The following TPP2 variants were observed in gnomAD, a reference collection of about 807,000 sequenced individuals.
TPP2 encodes tripeptidyl peptidase 2, also known as tripeptidyl-peptidase 2.
In TPP2, 34 loss-of-function variants were observed where a neutral mutation model predicts 155.9. The ratio of observed to expected loss-of-function variants is 0.22; its 90% CI spans 0.17 to 0.29. The LOEUF (loss-of-function observed/expected upper bound fraction) is 0.29, where lower values mean the gene tolerates loss of function less well. TPP2 is among the 10% of genes least tolerant of loss of function. TPP2 has a pLI of 1.00. For missense variants in TPP2, 1,028 were observed against 1,522.3 expected, an observed-to-expected ratio of 0.68 and a Z score of 5.40; for synonymous variants, 510 against 529.4, an observed-to-expected ratio of 0.96 and a Z score of 0.50.
chr13:102,647,482 T>G, intron 21 of TPP2, 138 bp downstream of exon 21: 1 of 1,027,638 alleles, frequency 9.7e-7, no homozygotes, highest in South Asian at 1.9e-5. Flanking sequence ...TTTTGCAAAC[T>G]GTGAGAGCCT....
At chr13:102,637,806 C>A (rs1389108214) in intron 14 of TPP2, among the ~76,000 whole-genome samples, 2 of 152,154 alleles carry the variant, frequency 1.3e-5, no homozygotes, top group Non-Finnish European at 2.9e-5. Context: ...CTGCCTTGGC[C>A]TCCCAGGGCT....
chr13:102,654,526 C>A (rs911148053), intron 24 of TPP2, among the ~76,000 whole-genome samples: 3 of 152,056 alleles, frequency 2.0e-5, no homozygotes, highest in African/African-American at 4.8e-5. Flanking sequence ...AAATTCAATT[C>A]TCTTTTCTCT....
At position 102,666,487 on chromosome 13, in the gene TPP2, A is replaced by G. The variant is rs187282345; in HGVS notation, c.3371+1562A>G. ...AACTGTCTTCCACAGATCACCAGTG[A>G]TAACCAGTTGCTAAAAAGAATGGCC... On this transcript the variant is annotated intron_variant, in intron 27 of 29. Transcript: ENST00000376052. Among the ~76,000 whole-genome samples, 256 of 152,328 alleles carry G rather than the reference A, an allele frequency of 1.7e-3. 1 individual carries two copies. The highest frequency in any genetic ancestry group is 5.9e-3 in the African/African-American group (244 of 41,568).
intron 2 of TPP2, chr13:102,607,608 A>T (rs941889678): frequency 4.7e-6 from 2 of 428,818 alleles, no homozygotes; most frequent in Non-Finnish European, 9.4e-6. Context: ...TAATTTTGAG[A>T]TGGAGTCTTA....
intron 25 of TPP2, among the ~76,000 whole-genome samples, chr13:102,660,390 C>T (rs564416271): frequency 6.6e-6 from 1 of 151,802 alleles, no homozygotes; most frequent in South Asian, 2.1e-4. Flanking sequence ...AAGAGAATCC[C>T]ATTTACAGTA....
chr13:102,627,901 A>G lies in TPP2; in HGVS notation c.993A>G (p.Glu331=), dbSNP rs150142673. ...KCDLVNYSYG[E]ATHWPNSGRI... is the part of the protein sequence containing the mutation. Reference sequence around the variant, plus strand: ...ATCTTGTCAACTACAGTTACGGAGAAGCAACTCACTGGCCAAATTCTGGGT... The same window carrying G: ...ATCTTGTCAACTACAGTTACGGAGAGGCAACTCACTGGCCAAATTCTGGGT... Residue 331 remains glutamate (E), a synonymous_variant, in exon 8 of 30, where the codon GAA becomes GAG. Transcript: ENST00000376052. 80 of 1,613,614 alleles carry G rather than the reference A, an allele frequency of 5.0e-5. No individual in the cohort carries two copies. The African/African-American group carries it at 9.9e-4, about 20-fold the overall frequency.
intron 21 of TPP2, among the ~76,000 whole-genome samples, chr13:102,648,141 A>G (rs901388978): frequency 2.0e-5 from 3 of 152,298 alleles, no homozygotes; most frequent in African/African-American, 4.8e-5. Flanking sequence ...TGTTAAGTGG[A>G]TAATAGATTT....
chr13:102,634,573 C>T (rs1397678942), intron 11 of TPP2, among the ~76,000 whole-genome samples: 1 of 152,166 alleles, frequency 6.6e-6, no homozygotes, highest in Non-Finnish European at 1.5e-5. Flanking sequence ...AGCCAGGCTG[C>T]TGTGAAGCTC....
At chr13:102,603,903 A>G (rs944850514) in intron 1 of TPP2, among the ~76,000 whole-genome samples, 10 of 152,056 alleles carry the variant, frequency 6.6e-5, no homozygotes, top group African/African-American at 2.2e-4. Context: ...GAGGCAAGAG[A>G]TGGTGGTGGT....
intron 15 of TPP2, among the ~76,000 whole-genome samples, chr13:102,639,105 C>T (rs190346730): frequency 1.4e-3 from 211 of 152,332 alleles, no homozygotes; most frequent in African/African-American, 4.9e-3. Context: ...CTTCGTGGCA[C>T]ATTTTACGTG....
At chr13:102,669,745 G>A (rs532343891) in intron 27 of TPP2, among the ~76,000 whole-genome samples, 1 of 149,040 alleles carries the variant, frequency 6.7e-6, no homozygotes, top group African/African-American at 2.6e-5. Flanking sequence ...ACATTGATGC[G>A]AATGGGTGGC....
Position 102,618,819 on chromosome 13 carries a change from T to A in TPP2, c.593T>A (p.Leu198Ter). Residue 198 changes from leucine (L) to a stop codon, truncating the protein, a stop_gained, in exon 5 of 30, where the codon TTG (leucine) becomes TAG (stop). Transcript: ENST00000376052. LOFTEE classifies it high-confidence loss of function. Reference protein sequence around the residue: ...YSDPGPVYDCLVWHDGEVWRA... With the variant: ...YSDPGPVYDC Reference sequence around the variant, plus strand: ...GATCCTGGCCCTGTATATGACTGCTTGGTATGGCATGATGGCGAAGTCTGG... The same window carrying A: ...GATCCTGGCCCTGTATATGACTGCTAGGTATGGCATGATGGCGAAGTCTGG... 6.2e-7 allele frequency: 1 copy of A among 1,611,348 alleles called. No individual in the cohort carries two copies. The highest frequency in any genetic ancestry group is 8.5e-7 in the Non-Finnish European group (1 of 1,179,118).
chr13:102,656,995 A>G (rs1380940795), intron 24 of TPP2, 61 bp from the exon 25 acceptor site: 3 of 1,511,902 alleles, frequency 2.0e-6, no homozygotes, highest in African/African-American at 2.8e-5. Flanking sequence ...GCTGTTGAAG[A>G]TGATTTTGAT....
At chr13:102,629,456 G>C in intron 8 of TPP2, 26 bp from the exon 9 acceptor site, 2 of 1,474,028 alleles carry the variant, frequency 1.4e-6, no homozygotes. Flanking sequence ...CTGATTATAT[G>C]TTCAAAGGAA....
intron 6 of TPP2, among the ~76,000 whole-genome samples, chr13:102,625,220 A>AG (rs1184589894): frequency 6.4e-5 from 8 of 125,926 alleles, no homozygotes; most frequent in South Asian, 2.5e-4. Context: ...GCTGGAGTGC[A>AG]GTGGCGCGAT....
intron 4 of TPP2, among the ~76,000 whole-genome samples, chr13:102,618,078 A>G (rs900996189): frequency 2.4e-4 from 36 of 152,096 alleles, no homozygotes; most frequent in African/African-American, 8.5e-4. Context: ...TTTTTTATAT[A>G]CACTCTAGGT....
In TPP2 at chr13:102,604,928, C is replaced by T. The variant is rs765360360; in HGVS notation, c.294+7C>T. 12 of 1,598,244 alleles carry T rather than the reference C, an allele frequency of 7.5e-6. No individual in the cohort carries two copies. The African/African-American group carries it at 1.5e-4, about 20-fold the overall frequency. ...TTCAGGAAGAGTGCTTAAGGTGAGACCTTTTGTCTTCTTTTTGAATTTTTT... is the reference window on the plus strand; with the variant it reads ...TTCAGGAAGAGTGCTTAAGGTGAGATCTTTTGTCTTCTTTTTGAATTTTTT... On this transcript the variant is annotated splice_region_variant and intron_variant, in intron 2 of 29. Transcript: ENST00000376052.
intron 28 of TPP2, among the ~76,000 whole-genome samples, chr13:102,675,161 C>T (rs2139623022): frequency 1.3e-5 from 2 of 152,288 alleles, no homozygotes; most frequent in Non-Finnish European, 2.9e-5. Flanking sequence ...TTTTAGTAGA[C>T]AGGTGCTTGT....
intron 25 of TPP2, among the ~76,000 whole-genome samples, chr13:102,658,036 T>C (rs954661588): frequency 6.6e-6 from 1 of 152,236 alleles, no homozygotes; most frequent in African/African-American, 2.4e-5. Context: ...TAGGTGTTTC[T>C]GGTCGATTAA....
Sources: allele counts gnomAD v4.1 joint callset (sites outside exome capture counted in the v4.1 genomes callset), GRCh38; gene constraint gnomAD v4.1.1; transcripts MANE v1.5; gene names NCBI Gene and HGNC (gene_info 2026-07-23, HGNC 2026-07-21).